TAFA1: variants seen among roughly 807,000 people sequenced by gnomAD.
TAFA1 encodes the protein chemokine-like protein TAFA-1.
A neutral mutation model predicts 18.5 loss-of-function variants in TAFA1; 4 were observed. The ratio of observed to expected loss-of-function variants is 0.22; its 90% CI spans 0.11 to 0.49. The LOEUF is 0.49. Among genes scored for constraint, TAFA1 ranks in the 20% least tolerant of loss-of-function variants. The pLI is 0.98. For synonymous variants in TAFA1, 56 were observed against 55.2 expected (o/e 1.01, Z -0.06); for missense variants, 147 against 169.0 (o/e 0.87, Z 0.72).
At chr3:68,128,470 G>C (rs2065498638) in intron 2 of TAFA1, among the ~76,000 whole-genome samples, 2 of 152,204 alleles carry the variant, frequency 1.3e-5, no homozygotes. Context: ...ACAAGCTGAT[G>C]TTGTGTTTTA....
Position 68,259,702 on chromosome 3 carries a change from G to A in TAFA1, c.119-157578G>A, listed in dbSNP as rs1368724190. 5.5e-4 allele frequency among the ~76,000 whole-genome samples: 83 copies of A among 152,112 alleles called. 1 individual carries two copies. The highest frequency in any genetic ancestry group is 1.8e-3 in the African/African-American group (74 of 41,504). ...GTATTTTGTTCTCTTTGAAGCAATT[G>A]TGAATGGGAGTTCACTCATGATTTG... On this transcript the variant is annotated intron_variant, in intron 2 of 4. Coordinates refer to ENST00000478136, the MANE Select transcript of TAFA1 (RefSeq NM_213609.4).
intron 2 of TAFA1, among the ~76,000 whole-genome samples, chr3:68,163,175 C>T (rs969163958): frequency 6.6e-6 from 1 of 152,274 alleles, no homozygotes; most frequent in South Asian, 2.1e-4. Context: ...CTACTCTTTT[C>T]TACATATTAA....
intron 2 of TAFA1, among the ~76,000 whole-genome samples, chr3:68,230,245 AC>A (rs2066855483): frequency 6.6e-6 from 1 of 151,838 alleles, no homozygotes. Context: ...CCCATAACAA[AC>A]CTCTCTTTAT....
In TAFA1 at chr3:68,198,688, G is replaced by A. The variant is rs2066440168; in HGVS notation, c.118+191944G>A. Among the ~76,000 whole-genome samples the A allele has an allele frequency of 2.0e-5, 3 of 151,234 alleles. No individual in the cohort carries two copies. The South Asian group carries it at 6.2e-4, about 31-fold the overall frequency. On this transcript the variant is annotated intron_variant, in intron 2 of 4. Coordinates refer to ENST00000478136, the MANE Select transcript of TAFA1 (RefSeq NM_213609.4). ...TCTATGCCTTCTTTGGTGATATTTT[G>A]TTAAGGTCTTTGGTCCACTTTTTAA...
intron 2 of TAFA1, among the ~76,000 whole-genome samples, chr3:68,107,199 A>G (rs746070052): frequency 3.5e-4 from 53 of 152,242 alleles, no homozygotes; most frequent in Non-Finnish European, 6.5e-4. Flanking sequence ...GGAATTGGCA[A>G]ATGCTACAAA....
At chr3:68,028,703 C>G (rs1164024218) in intron 2 of TAFA1, among the ~76,000 whole-genome samples, 1 of 151,878 alleles carries the variant, frequency 6.6e-6, no homozygotes. Flanking sequence ...GTTACCTGTT[C>G]ATCTTCTGTC....
intron 3 of TAFA1, among the ~76,000 whole-genome samples, chr3:68,499,233 A>T (rs1197656450): frequency 6.7e-6 from 1 of 150,256 alleles, no homozygotes; most frequent in Non-Finnish European, 1.5e-5. Flanking sequence ...CTAGGGTAGA[A>T]TTTTTCATAG....
intron 2 of TAFA1, among the ~76,000 whole-genome samples, chr3:68,082,118 A>G (rs1268814249): frequency 1.3e-5 from 2 of 152,058 alleles, no homozygotes; most frequent in Non-Finnish European, 2.9e-5. Flanking sequence ...TGGAAAGGGA[A>G]CTCCCTGACC....
chr3:67,994,790 G>A, the TAFA1 span, among the ~76,000 whole-genome samples: 8 of 152,178 alleles, frequency 5.3e-5, no homozygotes, highest in South Asian at 1.7e-3. Context: ...TCTTTTAGAA[G>A]ATCCCTGAAA....
At chr3:68,159,067 G>A (rs2065897063) in intron 2 of TAFA1, among the ~76,000 whole-genome samples, 1 of 152,210 alleles carries the variant, frequency 6.6e-6, no homozygotes, top group African/African-American at 2.4e-5. Flanking sequence ...GAGATGAGAA[G>A]GGTATGAATT....
chr3:67,992,323 G>A, the TAFA1 span, among the ~76,000 whole-genome samples: 1 of 152,192 alleles, frequency 6.6e-6, no homozygotes, highest in African/African-American at 2.4e-5. Context: ...TGGCAAGGTT[G>A]TTTGGAGGAT....
rs551555163 is a variant in TAFA1, at chr3:68,078,613, T to G, written c.118+71869T>G. On this transcript the variant is annotated intron_variant, in intron 2 of 4. Transcript: ENST00000478136. Reference sequence around the variant, plus strand: ...GCTCTGTTTATATGCTGGATTACATTTATTGATTTGTGTATATTGAACCAG... The same window carrying G: ...GCTCTGTTTATATGCTGGATTACATGTATTGATTTGTGTATATTGAACCAG... 1.6e-3 allele frequency among the ~76,000 whole-genome samples: 242 copies of G among 152,118 alleles called. 2 individuals are homozygous for G. Among genetic ancestry groups the G allele is most frequent in the African/African-American group, 5.1e-3 (213 of 41,466 alleles).
intron 2 of TAFA1, among the ~76,000 whole-genome samples, chr3:68,079,776 A>C (rs1371298471): frequency 6.6e-6 from 1 of 152,114 alleles, no homozygotes; most frequent in Admixed American, 6.5e-5. Context: ...GTGCTGAAAA[A>C]AATGTATATT....
intron 2 of TAFA1, among the ~76,000 whole-genome samples, chr3:68,344,553 G>T (rs1465845787): frequency 6.6e-6 from 1 of 152,136 alleles, no homozygotes; most frequent in Non-Finnish European, 1.5e-5. Context: ...CATTAACATA[G>T]GAGTTCATTA....
At chr3:68,510,468 C>A (rs1262746181) in intron 3 of TAFA1, among the ~76,000 whole-genome samples, 1 of 152,110 alleles carries the variant, frequency 6.6e-6, no homozygotes, top group Non-Finnish European at 1.5e-5. Flanking sequence ...TGAAGAGCAG[C>A]CTGCATCCCT....
At chr3:68,094,697 C>T (rs781355646) in intron 2 of TAFA1, among the ~76,000 whole-genome samples, 8 of 152,030 alleles carry the variant, frequency 5.3e-5, no homozygotes, top group Admixed American at 1.3e-4. Context: ...TTATTTAACC[C>T]CCATGAGCCT....
At chr3:68,072,921 C>T (rs1046756196) in intron 2 of TAFA1, among the ~76,000 whole-genome samples, 43 of 152,266 alleles carry the variant, frequency 2.8e-4, no homozygotes, top group Admixed American at 2.6e-3. Context: ...CAGTGTTATT[C>T]GGTTCTTGTA....
Position 68,006,658 on chromosome 3 carries a change from T to C in TAFA1, c.32T>C (p.Leu11Pro), listed in dbSNP as rs780034173. 1.5e-5 allele frequency: 25 copies of C among 1,613,894 alleles called. No homozygotes were observed. Among genetic ancestry groups the C allele is most frequent in the Non-Finnish European group, 1.9e-5 (23 of 1,179,772 alleles). MAMVSAMSWV[L>P]YLWISACAML... ...ATGGTCTCTGCGATGTCCTGGGTCC[T>C]GTATTTGTGGATAAGTGCTTGTGCA... is the stretch of plus-strand genomic sequence containing the variant. The change falls in exon 2 of 5, where the codon CTG becomes CCG. Residue 11 changes from leucine to proline, a missense_variant. Leu to Pro is a moderately conservative substitution (Grantham distance 98, BLOSUM62 -3). Coordinates refer to ENST00000478136, the MANE Select transcript of TAFA1 (RefSeq NM_213609.4).
chr3:68,259,056 C>G (rs539672884), intron 2 of TAFA1, among the ~76,000 whole-genome samples: 3 of 152,258 alleles, frequency 2.0e-5, no homozygotes, highest in Admixed American at 2.0e-4. Flanking sequence ...CTGGGGATGT[C>G]GATAAACCAC....
Sources: gnomAD v4.1 joint callset for allele counts (sites outside exome capture counted in the v4.1 genomes callset) on GRCh38, gnomAD v4.1.1 for gene constraint, MANE v1.5 for transcripts, NCBI Gene and HGNC (gene_info 2026-07-23, HGNC 2026-07-21) for gene names.